The following STX8 variants were observed in gnomAD, a reference collection of about 807,000 sequenced individuals.
The protein encoded by STX8 is syntaxin 8.
In STX8, 23 loss-of-function variants were observed where a neutral mutation model predicts 37.5. The ratio of observed to expected loss-of-function variants is 0.61; its 90% CI spans 0.44 to 0.87. STX8 has a LOEUF of 0.87. STX8 is among the 40% of genes least tolerant of loss of function. The probability of loss-of-function intolerance (pLI) is 0.00; values close to 1 mark genes in which losing one functional copy is unlikely to be tolerated. For missense variants in STX8, 313 were observed against 284.7 expected (o/e 1.10, Z -0.71); for synonymous variants, 115 against 99.1 (o/e 1.16, Z -0.95).
chr17:9,259,656 A>G (rs111632437), intron 7 of STX8, among the ~76,000 whole-genome samples: 2 of 152,336 alleles, frequency 1.3e-5, no homozygotes, highest in African/African-American at 4.8e-5. Context: ...CAGGCAGAAC[A>G]CAGCCAAGTG....
intron 7 of STX8, among the ~76,000 whole-genome samples, chr17:9,309,080 G>A (rs1909101114): frequency 6.6e-6 from 1 of 150,788 alleles, no homozygotes; most frequent in African/African-American, 2.4e-5. Flanking sequence ...GGGGGTAAGG[G>A]GTGGCAAATT....
intron 4 of STX8, among the ~76,000 whole-genome samples, chr17:9,505,497 G>A (rs761578073): frequency 5.9e-5 from 9 of 152,124 alleles, no homozygotes; most frequent in Admixed American, 1.3e-4. Context: ...ACAGAAGGCC[G>A]AACAGCGGCC....
rs575240217 is a variant in STX8, at chr17:9,556,750, AATATATAT to A, written c.212+676_212+683del. 372 of 99,522 alleles carry A rather than the reference AATATATAT, an allele frequency of 3.7e-3. 6 individuals carry two copies. Among genetic ancestry groups the A allele is most frequent in the Middle Eastern group, 5.0e-3 (1 of 200 alleles). The allele number at this position is 99,522 out of a possible 1,614,324, so 6.2% of individuals were successfully genotyped here. A position where few individuals can be genotyped will look rare whatever the true frequency, so the allele number is the denominator to read the frequency against. ...CCTGGCCCAGATTATGAATTTCTAA[AATATATAT>A]ATATATATATATATATATATATATA... On this transcript the variant is annotated intron_variant, in intron 3 of 7. Coordinates refer to ENST00000306357, the MANE Select transcript of STX8 (RefSeq NM_004853.3).
intron 7 of STX8, among the ~76,000 whole-genome samples, chr17:9,377,310 T>G (rs1251655202): frequency 6.6e-6 from 1 of 152,024 alleles, no homozygotes; most frequent in African/African-American, 2.4e-5. Flanking sequence ...ATTCTTTTTT[T>G]TTTTTAAAGA....
intron 5 of STX8, among the ~76,000 whole-genome samples, chr17:9,500,215 T>C (rs1348262305): frequency 6.6e-6 from 1 of 152,210 alleles, no homozygotes; most frequent in African/African-American, 2.4e-5. Flanking sequence ...TTTCTGCTTC[T>C]GCCCAAGATG....
Position 9,514,974 on chromosome 17 carries a change from A to G in STX8, c.324-9812T>C, listed in dbSNP as rs61458309. Among the ~76,000 whole-genome samples the G allele has an allele frequency of 9.9e-3, 1,512 of 152,272 alleles. 30 individuals carry two copies. The highest frequency in any genetic ancestry group is 0.035 in the African/African-American group (1,446 of 41,560). On this transcript the variant is annotated intron_variant, in intron 4 of 7. Transcript: ENST00000306357. ...ACAGAAAGTAGCTGGAGGATTCAAT[A>G]ATTTTTCATTCCAAAAACATTTACT...
chr17:9,442,960 C>T (rs17809025), intron 6 of STX8, among the ~76,000 whole-genome samples: 40,523 of 151,984 alleles, frequency 0.27, 5,611 homozygotes, highest in African/African-American at 0.32. Context: ...GAGGCATCAA[C>T]GTAATGCATT....
chr17:9,410,436 T>C (rs1240636629), intron 6 of STX8, among the ~76,000 whole-genome samples: 1 of 152,198 alleles, frequency 6.6e-6, no homozygotes, highest in Non-Finnish European at 1.5e-5. Flanking sequence ...AATCGGCATT[T>C]CTCTTCCATT....
intron 7 of STX8, among the ~76,000 whole-genome samples, chr17:9,268,794 T>C (rs956649685): frequency 1.3e-4 from 20 of 152,174 alleles, no homozygotes; most frequent in African/African-American, 4.8e-4. Flanking sequence ...CTGAGCCTAC[T>C]GAAAACAAGT....
intron 7 of STX8, among the ~76,000 whole-genome samples, chr17:9,341,829 T>C (rs1299785994): frequency 1.3e-5 from 2 of 152,100 alleles, no homozygotes; most frequent in South Asian, 2.1e-4. Flanking sequence ...GAAGCAGAAA[T>C]GGACAAGCTA....
Position 9,522,080 on chromosome 17 carries a change from G to A in STX8, c.324-16918C>T, listed in dbSNP as rs150494557. ...TCAAATTTCAAAACCCCAGGGCACT[G>A]CTCCTGAGAGTCACACAGGCCATCT... On this transcript the variant is annotated intron_variant, in intron 4 of 7. Coordinates refer to ENST00000306357, the MANE Select transcript of STX8 (RefSeq NM_004853.3). 4.6e-5 allele frequency among the ~76,000 whole-genome samples: 7 copies of A among 152,198 alleles called. No individual in the cohort carries two copies. The East Asian group carries it at 1.4e-3, about 30-fold the overall frequency.
chr17:9,366,671 C>A (rs1911240635), intron 7 of STX8, among the ~76,000 whole-genome samples: 1 of 152,102 alleles, frequency 6.6e-6, no homozygotes, highest in Non-Finnish European at 1.5e-5. Context: ...AAAAATAAGC[C>A]CAAGAGTTGC....
intron 6 of STX8, among the ~76,000 whole-genome samples, chr17:9,404,939 A>C (rs1397310539): frequency 6.6e-6 from 1 of 152,046 alleles, no homozygotes; most frequent in East Asian, 1.9e-4. Context: ...ATTTTCTCCA[A>C]GATCCCTATC....
chr17:9,358,177 A>G (rs1279669159), intron 7 of STX8, among the ~76,000 whole-genome samples: 1 of 152,074 alleles, frequency 6.6e-6, no homozygotes, highest in Non-Finnish European at 1.5e-5. Context: ...AGAAAGCGAG[A>G]CTTCATCTCT....
chr17:9,253,669 G>C (rs1906675847), intron 7 of STX8, among the ~76,000 whole-genome samples: 1 of 152,090 alleles, frequency 6.6e-6, no homozygotes, highest in South Asian at 2.1e-4. Context: ...TTTAGGAAGA[G>C]GTACTGCTCC....
intron 1 of STX8, chr17:9,569,665 A>C (rs1274654863): frequency 6.6e-6 from 1 of 152,232 alleles, no homozygotes; most frequent in Non-Finnish European, 1.5e-5. Context: ...ATACTTAAGC[A>C]GACCGGATGC....
Position 9,440,207 on chromosome 17 carries a change from C to T in STX8, c.541+51622G>A, listed in dbSNP as rs189911062. ...ACAGCCTATTTAAGAAACATGGAATCGGATGATTTGAAACATATTTCCTAA... is the reference window on the plus strand; with the variant it reads ...ACAGCCTATTTAAGAAACATGGAATTGGATGATTTGAAACATATTTCCTAA... On this transcript the variant is annotated intron_variant, in intron 6 of 7. Transcript: ENST00000306357. Among the ~76,000 whole-genome samples, 209 of 152,200 alleles carry T rather than the reference C, an allele frequency of 1.4e-3. 1 individual carries two copies. In the South Asian group the frequency reaches 0.023, roughly 17 times the overall value.
chr17:9,280,444 T>C (rs532141581), intron 7 of STX8, among the ~76,000 whole-genome samples: 5 of 152,132 alleles, frequency 3.3e-5, no homozygotes, highest in South Asian at 2.1e-4. Context: ...TCCCAGCTAC[T>C]TGGGAGGCTG....
At chr17:9,422,206 G>A (rs564906674) in intron 6 of STX8, among the ~76,000 whole-genome samples, 1 of 151,688 alleles carries the variant, frequency 6.6e-6, no homozygotes, top group African/African-American at 2.4e-5. Context: ...CTGGGTTCAA[G>A]CAATTCTCCT....
Sources: allele counts gnomAD v4.1 joint callset (sites outside exome capture counted in the v4.1 genomes callset), GRCh38; gene constraint gnomAD v4.1.1; transcripts MANE v1.5; gene names NCBI Gene and HGNC (gene_info 2026-07-23, HGNC 2026-07-21).